The following CNTNAP4 variants were observed in gnomAD, a reference collection of about 807,000 sequenced individuals.
The protein encoded by CNTNAP4 is contactin-associated protein-like 4.
In CNTNAP4, 98 loss-of-function variants were observed where a neutral mutation model predicts 148.4. The observed-to-expected ratio is 0.66, with a 90% CI of 0.56 to 0.78. The LOEUF is 0.78. Ranked by LOEUF, CNTNAP4 falls within the 30% of genes least tolerant of loss-of-function variation. The probability of loss-of-function intolerance (pLI) is 0.00; values close to 1 mark genes in which losing one functional copy is unlikely to be tolerated. For synonymous variants in CNTNAP4, 730 were observed against 565.1 expected (o/e 1.29, Z -4.14); for missense variants, 1,935 against 1,565.6 (o/e 1.24, Z -3.98).
intron 16 of CNTNAP4, 91 bp from the exon 17 acceptor site, chr16:76,521,948 G>C (rs2083469541): frequency 8.8e-7 from 1 of 1,138,612 alleles, no homozygotes. Flanking sequence ...TTCAGCGATT[G>C]TTACGCTGTA....
At chr16:76,358,864 ATG>A (rs2013047040) in intron 3 of CNTNAP4, among the ~76,000 whole-genome samples, 1 of 150,904 alleles carries the variant, frequency 6.6e-6, no homozygotes, top group Non-Finnish European at 1.5e-5. Flanking sequence ...ATATATATGT[ATG>A]TGTATATGTA....
chr16:76,398,663 A>C (rs1386664003), intron 3 of CNTNAP4, among the ~76,000 whole-genome samples: 3 of 152,176 alleles, frequency 2.0e-5, no homozygotes, highest in Admixed American at 2.0e-4. Context: ...ATAACAGTGT[A>C]CACTCCCACC....
At chr16:76,518,209 C>T (rs1568478180) in intron 15 of CNTNAP4, among the ~76,000 whole-genome samples, 1 of 152,178 alleles carries the variant, frequency 6.6e-6, no homozygotes, top group South Asian at 2.1e-4. Context: ...CTGACTGCAA[C>T]CTCAGCCTCC....
At chr16:76,539,346 A>G (rs1027667076) in intron 19 of CNTNAP4, among the ~76,000 whole-genome samples, 1 of 152,064 alleles carries the variant, frequency 6.6e-6, no homozygotes, top group African/African-American at 2.4e-5. Flanking sequence ...CCAGAGTGTG[A>G]GATATATTTT....
intron 8 of CNTNAP4, among the ~76,000 whole-genome samples, chr16:76,460,271 C>T (rs1183391370): frequency 6.7e-6 from 1 of 149,202 alleles, no homozygotes; most frequent in Admixed American, 6.6e-5. Flanking sequence ...TCACGCCTGG[C>T]TAATTTTTTG....
chr16:76,393,005 G>T (rs1054234162), intron 3 of CNTNAP4, among the ~76,000 whole-genome samples: 1 of 152,096 alleles, frequency 6.6e-6, no homozygotes, highest in Non-Finnish European at 1.5e-5. Flanking sequence ...CATTTTTATC[G>T]TAAGTATTTT....
intron 3 of CNTNAP4, among the ~76,000 whole-genome samples, chr16:76,386,966 G>C (rs1014763497): frequency 6.6e-6 from 1 of 152,120 alleles, no homozygotes; most frequent in Non-Finnish European, 1.5e-5. Context: ...TTTGAAGATA[G>C]AGGAAGGGAG....
chr16:76,445,622 G>C (rs2080209868), intron 4 of CNTNAP4, among the ~76,000 whole-genome samples: 2 of 151,856 alleles, frequency 1.3e-5, no homozygotes, highest in Admixed American at 6.6e-5. Context: ...AATATTCCAG[G>C]CACAAAAGCT....
intron 17 of CNTNAP4, among the ~76,000 whole-genome samples, chr16:76,529,162 T>C (rs1360606621): frequency 6.6e-6 from 1 of 152,208 alleles, no homozygotes; most frequent in African/African-American, 2.4e-5. Context: ...TCGCCTTCTC[T>C]TTGTAGCCTG....
chr16:76,480,475 A>G (rs777237690), intron 12 of CNTNAP4, among the ~76,000 whole-genome samples: 2 of 152,160 alleles, frequency 1.3e-5, no homozygotes, highest in Non-Finnish European at 2.9e-5. Context: ...TAAAATGTTC[A>G]TTGATCACGC....
At chr16:76,326,281 T>C (rs1962966171) in intron 2 of CNTNAP4, among the ~76,000 whole-genome samples, 1 of 152,142 alleles carries the variant, frequency 6.6e-6, no homozygotes, top group African/African-American at 2.4e-5. Flanking sequence ...AGAATGAGAA[T>C]GCCTCCCCTC....
intron 13 of CNTNAP4, 40 bp from the exon 14 acceptor site, chr16:76,494,870 A>G (rs374689128): frequency 3.8e-6 from 6 of 1,597,210 alleles, no homozygotes; most frequent in Admixed American, 3.4e-5. Context: ...AGGTGGTGGA[A>G]CATAAAACAG....
chr16:76,355,281 T>A, intron 2 of CNTNAP4, 37 bp from the exon 3 acceptor site: 2 of 1,452,254 alleles, frequency 1.4e-6, no homozygotes, highest in Non-Finnish European at 1.8e-6. Context: ...CTAACTTTCC[T>A]TTCTCAATTT....
intron 2 of CNTNAP4, among the ~76,000 whole-genome samples, chr16:76,339,091 A>G (rs1567762836): frequency 1.3e-5 from 2 of 152,114 alleles, no homozygotes; most frequent in African/African-American, 4.8e-5. Flanking sequence ...TCTGTGTGTG[A>G]TCTAGTCCTA....
chr16:76,439,699 A>T (rs751593768), intron 4 of CNTNAP4, among the ~76,000 whole-genome samples: 1 of 152,160 alleles, frequency 6.6e-6, no homozygotes. Flanking sequence ...AACTTGGTCT[A>T]TTTAAAAAGA....
intron 12 of CNTNAP4, among the ~76,000 whole-genome samples, chr16:76,487,992 G>A (rs1279606771): frequency 6.6e-6 from 1 of 152,142 alleles, no homozygotes; most frequent in Non-Finnish European, 1.5e-5. Context: ...TTGGTAGCTA[G>A]CTTCTTCTTG....
At chr16:76,491,854 TTGTG>T (rs10577540) in intron 13 of CNTNAP4, among the ~76,000 whole-genome samples, 2 of 151,648 alleles carry the variant, frequency 1.3e-5, no homozygotes, top group Non-Finnish European at 2.9e-5. Flanking sequence ...TGATATCCCA[TTGTG>T]TGTGTGTGTG....
At chr16:76,522,612 T>C (rs2083503218) in intron 17 of CNTNAP4, among the ~76,000 whole-genome samples, 2 of 110,786 alleles carry the variant, frequency 1.8e-5, no homozygotes, top group African/African-American at 3.7e-5. Flanking sequence ...TTTCTTTATT[T>C]CCTTCCTTCC....
At chr16:76,522,640 T>C (rs879378254) in intron 17 of CNTNAP4, among the ~76,000 whole-genome samples, 2,368 of 140,700 alleles carry the variant, frequency 0.017, 316 homozygotes, top group Non-Finnish European at 0.022. Context: ...CTTCCTTCTT[T>C]CTTTCTTTTC....
Sources: allele counts gnomAD v4.1 joint callset (sites outside exome capture counted in the v4.1 genomes callset), GRCh38; gene constraint gnomAD v4.1.1; transcripts MANE v1.5; gene names NCBI Gene and HGNC (gene_info 2026-07-23, HGNC 2026-07-21).